HMCN2: variants seen among roughly 807,000 people sequenced by gnomAD.
HMCN2 encodes hemicentin-2.
A neutral mutation model predicts 377.5 loss-of-function variants in HMCN2; 325 were observed. The observed-to-expected ratio is 0.86, with a 90% CI of 0.79 to 0.94. The LOEUF is 0.94. Ranked by LOEUF, HMCN2 falls within the 40% of genes least tolerant of loss-of-function variation. HMCN2 has a pLI of 0.00. For missense variants in HMCN2, 4,543 were observed against 4,725.3 expected (o/e 0.96, Z 1.13); for synonymous variants, 2,007 against 2,046.8 (o/e 0.98, Z 0.53).
chr9:130,284,744 C>T (rs1159606573), intron 2 of HMCN2, 71 bp downstream of exon 2: 1 of 465,858 alleles, frequency 2.1e-6, no homozygotes, highest in African/African-American at 2.0e-5. Context: ...GGGGAGGTAG[C>T]TTCGAGTGAT....
Position 130,377,778 on chromosome 9 carries a change from G to T in HMCN2, c.8191G>T (p.Asp2731Tyr). The T allele has an allele frequency of 1.0e-6, 1 of 985,970 alleles. No homozygotes were observed. Among genetic ancestry groups the T allele is most frequent in the Non-Finnish European group, 1.2e-6 (1 of 829,992 alleles). 61.1% of individuals were successfully genotyped at this position (985,970 alleles called of 1,614,324 possible). Residue 2731 changes from aspartate (D) to tyrosine (Y), a missense_variant, in exon 53 of 98, where the codon GAC becomes TAC. By Grantham distance (160) the Asp-to-Tyr change is radical. Transcript: ENST00000683500. ...CAATGTGGCTGGCGAGGACGACCAGGACTTCAACGTGCTCATCCAGGGTGC... is the reference window on the plus strand; with the variant it reads ...CAATGTGGCTGGCGAGGACGACCAGTACTTCAACGTGCTCATCCAGGGTGC... The part of the protein sequence containing the change: ...ATNVAGEDDQ[D>Y]FNVLIQVPPM...
intron 85 of HMCN2, among the ~76,000 whole-genome samples, chr9:130,417,612 G>A (rs2131780675): frequency 6.6e-6 from 1 of 152,190 alleles, no homozygotes; most frequent in East Asian, 1.9e-4. Context: ...AGGTAAAGTG[G>A]AGACAGAGGC....
intron 6 of HMCN2, among the ~76,000 whole-genome samples, chr9:130,296,429 G>A (rs1554932116): frequency 1.3e-5 from 2 of 152,226 alleles, no homozygotes; most frequent in East Asian, 1.9e-4. Flanking sequence ...GGGCTGAGGC[G>A]AGCTGAGGGG....
chr9:130,348,053 G>C, intron 26 of HMCN2: 1 of 985,354 alleles, frequency 1.0e-6, no homozygotes, highest in African/African-American at 1.7e-5. Flanking sequence ...GGGTGGGCTG[G>C]GGAGTGGTCT....
intron 71 of HMCN2, among the ~76,000 whole-genome samples, chr9:130,395,554 C>G (rs1296888456): frequency 1.3e-5 from 2 of 152,188 alleles, no homozygotes; most frequent in Non-Finnish European, 2.9e-5. Context: ...GCTCAGGTCA[C>G]TCAGGGCTTC....
rs760219254 is a variant in HMCN2 at position 130,356,149 on chromosome 9, A to G, written c.5317A>G (p.Thr1773Ala). 3.1e-6 allele frequency: 4 copies of G among 1,302,324 alleles called. No individual in the cohort carries two copies. In the Admixed American group the frequency reaches 9.2e-5, roughly 30 times the overall value. 80.7% of individuals were successfully genotyped at this position (1,302,324 alleles called of 1,614,324 possible). Residue 1773 changes from threonine to alanine, a missense_variant, in exon 34 of 98, where the codon ACC becomes GCC. By Grantham distance (58) the Thr-to-Ala change is moderately conservative. Around this residue, in one of 5 missense-constraint regions of HMCN2, gnomAD observed 1,032 missense variants for 1,285.1 expected, o/e 0.80. Transcript: ENST00000683500. ...LAGVQVASQG[T>A]TLHIDHVELD... is the part of the protein sequence containing the mutation. ...TGGGGTGCAGGTGGCCTCGCAGGGG[A>G]CCACACTGCACATTGACCATGTGGA...
At chr9:130,380,961 C>T (rs892512388) in intron 54 of HMCN2, among the ~76,000 whole-genome samples, 1 of 151,940 alleles carries the variant, frequency 6.6e-6, no homozygotes, top group Non-Finnish European at 1.5e-5. Context: ...CTGCTGATCC[C>T]GATCAGACTC....
intron 51 of HMCN2, 80 bp from the exon 52 acceptor site, chr9:130,376,436 G>C: frequency 2.5e-6 from 1 of 405,682 alleles, no homozygotes; most frequent in Non-Finnish European, 3.3e-6. Context: ...CATTTCTGAG[G>C]CTACCCCCAG....
intron 44 of HMCN2, 119 bp downstream of exon 44, chr9:130,368,556 C>A (rs1326251119): frequency 4.8e-6 from 2 of 420,304 alleles, no homozygotes; most frequent in Non-Finnish European, 3.2e-6. Context: ...CTTTCTCCTC[C>A]CTCACGTTCC....
chr9:130,350,994 AC>A (rs1839683736), intron 29 of HMCN2, among the ~76,000 whole-genome samples: 1 of 152,014 alleles, frequency 6.6e-6, no homozygotes, highest in Non-Finnish European at 1.5e-5. Context: ...ACATTCCATC[AC>A]CCCAAAAGGA....
chr9:130,328,700 G>GTGCC (rs1338640502), intron 22 of HMCN2, among the ~76,000 whole-genome samples: 2 of 152,208 alleles, frequency 1.3e-5, no homozygotes. Context: ...CGCAGACCCG[G>GTGCC]TGCCGAACTG....
At position 130,394,401 on chromosome 9, in the gene HMCN2, G is replaced by A. The variant is rs1330470761; in HGVS notation, c.10518G>A (p.Glu3506=). ...QLTVMEPPHI[E]DSGQPTELSL... is the part of the protein sequence containing the mutation. ...GGCTTGCAGAGCCCCCTCACATTGA[G>A]GACTCAGGCCAGCCTACAGAGCTGT... The change falls in exon 69 of 98, where the codon GAG becomes GAA. Residue 3506 remains glutamate (E), a synonymous_variant. Coordinates refer to ENST00000683500, the MANE Select transcript of HMCN2 (RefSeq NM_001291815.2). The surrounding 1 kb of genome is among the most constrained non-coding windows in gnomAD (Gnocchi z 5.1). 1.6e-6 allele frequency: 2 copies of A among 1,289,624 alleles called. No homozygotes were observed. The highest frequency in any genetic ancestry group is 2.0e-6 in the Non-Finnish European group (2 of 988,780). 79.9% of individuals were successfully genotyped at this position (1,289,624 alleles called of 1,614,324 possible).
At chr9:130,339,061 A>G (rs1838912985) in intron 23 of HMCN2, among the ~76,000 whole-genome samples, 1 of 152,058 alleles carries the variant, frequency 6.6e-6, no homozygotes, top group Non-Finnish European at 1.5e-5. Flanking sequence ...AATGGTCCGC[A>G]CCTGTAGTCC....
intron 4 of HMCN2, among the ~76,000 whole-genome samples, chr9:130,289,213 G>A (rs1451236461): frequency 6.6e-6 from 1 of 152,184 alleles, no homozygotes; most frequent in Non-Finnish European, 1.5e-5. Context: ...GTTCCAGCAC[G>A]GCTGGTTCTG....
chr9:130,326,767 G>GGGGA (rs1306252129), intron 21 of HMCN2, among the ~76,000 whole-genome samples: 42 of 152,194 alleles, frequency 2.8e-4, no homozygotes, highest in African/African-American at 9.9e-4. Flanking sequence ...GGCGGGGAGC[G>GGGGA]GGGAGGAAGG....
intron 1 of HMCN2, among the ~76,000 whole-genome samples, chr9:130,283,659 T>G: frequency 6.6e-6 from 1 of 152,224 alleles, no homozygotes; most frequent in Admixed American, 6.5e-5. Context: ...GTTCCAGAAC[T>G]TACTATAAAT....
In HMCN2 at chr9:130,375,952, C is replaced by T. The variant is rs370715218; in HGVS notation, c.7881C>T (p.Leu2627=). Residue 2627 remains leucine (L), a synonymous_variant, in exon 51 of 98, where the codon CTC becomes CTT. Transcript: ENST00000683500. ...ACACCTGCGTGGTCACCAATGAGCT[C>T]GGGGAGGCCGTGAAAAACTACCATG... ...GQYTCVVTNE[L]GEAVKNYHVE... The T allele has an allele frequency of 8.1e-4, 797 of 985,812 alleles. 20 individuals carry two copies. In the South Asian group the frequency reaches 0.032, roughly 40 times the overall value. The allele number at this position is 985,812 out of a possible 1,614,324, so 61.1% of individuals were successfully genotyped here.
At chr9:130,342,054 A>AATAAAT (rs1554947873) in intron 24 of HMCN2, among the ~76,000 whole-genome samples, 26 of 151,050 alleles carry the variant, frequency 1.7e-4, no homozygotes, top group Middle Eastern at 3.4e-3. Context: ...TAAATAAATA[A>AATAAAT]ATAAATAAAA....
In HMCN2 at chr9:130,269,460, C is replaced by T. The variant is rs574743031; in HGVS notation, c.259+3323C>T. Among the ~76,000 whole-genome samples, 26 of 147,664 alleles carry T rather than the reference C, an allele frequency of 1.8e-4. 1 individual carries two copies. Among genetic ancestry groups the T allele is most frequent in the Admixed American group, 1.4e-3 (20 of 14,668 alleles). On this transcript the variant is annotated intron_variant, in intron 1 of 97. Transcript: ENST00000683500. ...GAATTCTAGGCCATTTTTAACACACCGAGTGGGGGGACGACTCTTCAGGTT... is the reference window on the plus strand; with the variant it reads ...GAATTCTAGGCCATTTTTAACACACTGAGTGGGGGGACGACTCTTCAGGTT...
Sources: gnomAD v4.1 joint callset for allele counts (sites outside exome capture counted in the v4.1 genomes callset) on GRCh38, gnomAD v4.1.1 for gene constraint, gnomAD v4.1.1 regional missense constraint, Gnocchi (gnomAD v3.1) non-coding constraint, MANE v1.5 for transcripts, NCBI Gene and HGNC (gene_info 2026-07-23, HGNC 2026-07-21) for gene names.